Variants in SENP7 observed in about 807,000 individuals in gnomAD.
SENP7 encodes the protein SUMO specific peptidase 7, also known as sentrin-specific protease 7.
A neutral mutation model predicts 141.2 loss-of-function variants in SENP7; 64 were observed. The observed-to-expected ratio is 0.45, with a 90% CI of 0.37 to 0.56. The LOEUF (loss-of-function observed/expected upper bound fraction) is 0.56. Among genes scored for constraint, SENP7 ranks in the 20% least tolerant of loss-of-function variants. The probability of loss-of-function intolerance (pLI) is 0.00; values close to 1 mark genes in which losing one functional copy is unlikely to be tolerated. For synonymous variants in SENP7, 382 were observed against 426.4 expected (o/e 0.90, Z 1.28); for missense variants, 1,025 against 1,212.2 (o/e 0.85, Z 2.29).
intron 4 of SENP7, among the ~76,000 whole-genome samples, chr3:101,440,941 C>T (rs911570488): frequency 6.6e-6 from 1 of 152,060 alleles, no homozygotes; most frequent in African/African-American, 2.4e-5. Flanking sequence ...AACATGCATA[C>T]ATTATTTTGA....
chr3:101,365,048 T>A (rs1461649127), intron 9 of SENP7, 57 bp from the exon 10 acceptor site: 3 of 1,093,628 alleles, frequency 2.7e-6, no homozygotes, highest in Admixed American at 3.9e-5. Flanking sequence ...TTATTTATTT[T>A]TTGAGACACA....
At chr3:101,421,453 A>G (rs1158829750) in intron 4 of SENP7, among the ~76,000 whole-genome samples, 4 of 152,182 alleles carry the variant, frequency 2.6e-5, no homozygotes, top group African/African-American at 4.8e-5. Flanking sequence ...AAACTATATG[A>G]CTTAGGTATT....
At chr3:101,376,682 T>C (rs542795228) in intron 6 of SENP7, among the ~76,000 whole-genome samples, 102 of 151,944 alleles carry the variant, frequency 6.7e-4, no homozygotes, top group African/African-American at 2.2e-3. Flanking sequence ...ACACCTAATG[T>C]TAAATGACGA....
intron 2 of SENP7, 113 bp from the exon 3 acceptor site, chr3:101,494,081 A>C: frequency 2.0e-6 from 1 of 504,406 alleles, no homozygotes; most frequent in Admixed American, 3.2e-5. Flanking sequence ...TGTTTTAAGG[A>C]GTTTTAAATT....
intron 4 of SENP7, among the ~76,000 whole-genome samples, chr3:101,438,681 A>G (rs1422969578): frequency 6.6e-6 from 1 of 152,266 alleles, no homozygotes; most frequent in Non-Finnish European, 1.5e-5. Flanking sequence ...ATGTTATTCT[A>G]TGTAAATTAC....
intron 3 of SENP7, among the ~76,000 whole-genome samples, chr3:101,475,718 A>C (rs1037265557): frequency 2.0e-5 from 3 of 152,188 alleles, no homozygotes; most frequent in South Asian, 2.1e-4. Context: ...TGAAGGAAAA[A>C]AATATATTGC....
chr3:101,370,519 TA>T (rs1338606434), intron 7 of SENP7, among the ~76,000 whole-genome samples: 3 of 152,340 alleles, frequency 2.0e-5, no homozygotes, highest in Admixed American at 6.5e-5. Flanking sequence ...ATAGTTTAAA[TA>T]ATCTCTAGAT....
intron 4 of SENP7, among the ~76,000 whole-genome samples, chr3:101,425,027 A>T (rs1249985494): frequency 6.6e-6 from 1 of 152,138 alleles, no homozygotes; most frequent in African/African-American, 2.4e-5. Context: ...CCGCCATGTA[A>T]GATGTTCCTT....
At chr3:101,352,754 T>G (rs2059645095) in intron 11 of SENP7, among the ~76,000 whole-genome samples, 2 of 152,026 alleles carry the variant, frequency 1.3e-5, no homozygotes, top group African/African-American at 4.8e-5. Context: ...CAAAATGTTC[T>G]TGGTATGTGA....
intron 3 of SENP7, among the ~76,000 whole-genome samples, chr3:101,465,373 G>A (rs551910730): frequency 7.9e-5 from 12 of 152,206 alleles, no homozygotes; most frequent in African/African-American, 2.9e-4. Context: ...AGCCATACTG[G>A]CATCCACACA....
rs536754405 is a variant in SENP7 at position 101,457,285 on chromosome 3, G to A, written c.284+1670C>T. 3.5e-5 allele frequency: 55 copies of A among 1,556,414 alleles called. No homozygotes were observed. The African/African-American group carries it at 6.9e-4, about 20-fold the overall frequency. ...GAAGCCTCATCAAAATTCTCCACAA[G>A]ATCAGGAACTTCATCATCATCATCC... On this transcript the variant is annotated intron_variant, in intron 4 of 23. Transcript: ENST00000394095.
intron 11 of SENP7, among the ~76,000 whole-genome samples, chr3:101,359,495 C>T (rs1371621832): frequency 2.0e-5 from 3 of 151,548 alleles, no homozygotes; most frequent in African/African-American, 7.3e-5. Context: ...TTTCTCTTGC[C>T]TGATGGCCCT....
intron 6 of SENP7, among the ~76,000 whole-genome samples, chr3:101,380,458 C>CACACAA (rs747202619): frequency 7.3e-6 from 1 of 136,150 alleles, no homozygotes; most frequent in Non-Finnish European, 1.6e-5. Flanking sequence ...CACACACACA[C>CACACAA]AAAACAAAAC....
chr3:101,404,728 A>G (rs1252997862), intron 5 of SENP7, among the ~76,000 whole-genome samples: 1 of 152,222 alleles, frequency 6.6e-6, no homozygotes, highest in African/African-American at 2.4e-5. Context: ...AATTAACATG[A>G]AAAAAAGCAA....
chr3:101,506,377 C>T (rs372800857), intron 1 of SENP7, among the ~76,000 whole-genome samples: 2 of 151,856 alleles, frequency 1.3e-5, no homozygotes, highest in South Asian at 2.1e-4. Context: ...GTGCTTTACA[C>T]AAATTATTTT....
intron 6 of SENP7, among the ~76,000 whole-genome samples, chr3:101,380,845 A>T (rs2060482059): frequency 6.6e-6 from 1 of 152,172 alleles, no homozygotes; most frequent in Non-Finnish European, 1.5e-5. Context: ...ATTGTTTATG[A>T]GAGAAAAAAA....
chr3:101,362,138 C>G (rs1034073673), intron 10 of SENP7, among the ~76,000 whole-genome samples: 3 of 152,132 alleles, frequency 2.0e-5, no homozygotes, highest in Non-Finnish European at 4.4e-5. Flanking sequence ...GCCATGGTTT[C>G]ACATTCAATA....
At chr3:101,408,294 T>C (rs761121532) in intron 5 of SENP7, among the ~76,000 whole-genome samples, 12 of 151,922 alleles carry the variant, frequency 7.9e-5, no homozygotes, top group Non-Finnish European at 8.8e-5. Flanking sequence ...AATTTAAACA[T>C]TACCAACAAC....
At chr3:101,509,194 A>T (rs2065749846) in intron 1 of SENP7, among the ~76,000 whole-genome samples, 1 of 151,732 alleles carries the variant, frequency 6.6e-6, no homozygotes, top group Non-Finnish European at 1.5e-5. Flanking sequence ...TCATATTCCT[A>T]AAAAAAACAA....
Sources: gnomAD v4.1 joint callset for allele counts (sites outside exome capture counted in the v4.1 genomes callset) on GRCh38, gnomAD v4.1.1 for gene constraint, MANE v1.5 for transcripts, NCBI Gene and HGNC (gene_info 2026-07-23, HGNC 2026-07-21) for gene names.